Variants in FST observed in about 807,000 individuals in gnomAD.
FST encodes the protein follistatin, also known as activin-binding protein.
A neutral mutation model predicts 38.4 loss-of-function variants in FST; 6 were observed. The ratio of observed to expected loss-of-function variants is 0.16; its 90% CI spans 0.09 to 0.31. The LOEUF is 0.31. FST is among the 10% of genes least tolerant of loss of function. The pLI is 1.00. For synonymous variants in FST, 157 were observed against 169.8 expected (o/e 0.92, Z 0.59); for missense variants, 301 against 432.3 (o/e 0.70, Z 2.69).
At position 53,486,744 on chromosome 5, in the gene FST, A is replaced by G. The variant is rs2112351931; in HGVS notation, c.*711A>G. The G allele has an allele frequency of 6.6e-6, 1 of 152,378 alleles. No individual in the cohort carries two copies. The highest frequency in any genetic ancestry group is 2.4e-5 in the African/African-American group (1 of 41,598). 9.4% of individuals were successfully genotyped at this position (152,378 alleles called of 1,614,324 possible). A position where few individuals can be genotyped will look rare whatever the true frequency, so the allele number is the denominator to read the frequency against. On this transcript the variant is annotated 3_prime_UTR_variant, in exon 6 of 6. Transcript: ENST00000256759. ...GACATTTGTGAGAGAGGAGATGATT[A>G]GAATTCTAGTAATGTACTTTTAAGA...
chr5:53,481,462 CAAAAAA>C (rs70983342), intron 1 of FST, among the ~76,000 whole-genome samples: 23 of 48,076 alleles, frequency 4.8e-4, no homozygotes, highest in East Asian at 1.6e-3. Flanking sequence ...CCCATTCTCG[CAAAAAA>C]AAAAAAAAAA....
rs1747145307 is a variant in FST, at chr5:53,480,736, GC to G, written c.-54del. 1 of 640,114 alleles carries G rather than the reference GC, an allele frequency of 1.6e-6. No homozygotes were observed. The highest frequency in any genetic ancestry group is 5.6e-5 in the South Asian group (1 of 17,728). The allele number at this position is 640,114 out of a possible 1,614,324, so 39.7% of individuals were successfully genotyped here. On this transcript the variant is annotated 5_prime_UTR_variant, in exon 1 of 6. Transcript: ENST00000256759. ...CGCGCGCCGCTCGCCCGAGCCACCCGCCGCCGCGCCGGCTCCCCGCGCCGCT... is the reference window on the plus strand; with the variant it reads ...CGCGCGCCGCTCGCCCGAGCCACCCGCGCCGCGCCGGCTCCCCGCGCCGCT...
chr5:53,486,028 TGG>T lies in FST; in HGVS notation c.1031_1032del (p.Trp344LeufsTer5). The T allele has an allele frequency of 3.5e-6, 5 of 1,446,208 alleles. No homozygotes were observed. Among genetic ancestry groups the T allele is most frequent in the Non-Finnish European group, 4.7e-6 (5 of 1,053,246 alleles). 89.6% of individuals were successfully genotyped at this position (1,446,208 alleles called of 1,614,324 possible). A position where few individuals can be genotyped will look rare whatever the true frequency, so the allele number is the denominator to read the frequency against. ...CTTTCCTATATCTTCTATTCTAGAG[TGG>T]TAAACTCTCTATAAGTGTTCAGTGT... ...YSFPISSILE[W>X] is the part of the protein sequence containing the mutation. On this transcript the variant is annotated frameshift_variant, in exon 6 of 6. Coordinates refer to ENST00000256759, the MANE Select transcript of FST (RefSeq NM_013409.3). LOFTEE classifies it high-confidence loss of function.
At chr5:53,481,468 A>AAAAAAAAAAC (rs1747204912) in intron 1 of FST, among the ~76,000 whole-genome samples, 1 of 147,004 alleles carries the variant, frequency 6.8e-6, no homozygotes, top group Non-Finnish European at 1.5e-5. Context: ...CTCGCAAAAA[A>AAAAAAAAAAC]AAAAAAAAAA....
chr5:53,481,257 ATCTT>A (rs1047727266), intron 1 of FST, among the ~76,000 whole-genome samples: 1 of 150,740 alleles, frequency 6.6e-6, no homozygotes, highest in African/African-American at 2.4e-5. Flanking sequence ...TCCCTCCCAC[ATCTT>A]TTGGATACTT....
intron 4 of FST, 76 bp from the exon 5 acceptor site, chr5:53,484,921 A>G: frequency 1.3e-6 from 1 of 750,928 alleles, no homozygotes. Context: ...ATATTTATTG[A>G]TAGAGGACTA....
At chr5:53,485,334 A>G (rs1199319508) in intron 5 of FST, 107 bp downstream of exon 5, 5 of 670,570 alleles carry the variant, frequency 7.5e-6, no homozygotes, top group Middle Eastern at 3.4e-4. Context: ...ATTTCTGTTC[A>G]AATTAGGTAG....
rs1056958683 is a variant in FST at position 53,486,703 on chromosome 5, C to A, written c.*670C>A. 1 of 152,136 alleles carries A rather than the reference C, an allele frequency of 6.6e-6. No individual in the cohort carries two copies. Among genetic ancestry groups the A allele is most frequent in the Admixed American group, 6.5e-5 (1 of 15,270 alleles). The allele number at this position is 152,136 out of a possible 1,614,324, so 9.4% of individuals were successfully genotyped here. A position where few individuals can be genotyped will look rare whatever the true frequency, so the allele number is the denominator to read the frequency against. On this transcript the variant is annotated 3_prime_UTR_variant, in exon 6 of 6. Coordinates refer to ENST00000256759, the MANE Select transcript of FST (RefSeq NM_013409.3). ...CTTTGAGGAAACTCCTACTTCAGTT[C>A]TTTTGTTATGATGAAGACATTTGTG... is the stretch of plus-strand genomic sequence containing the variant.
chr5:53,484,983 G>A lies in FST; in HGVS notation c.722-14G>A. On this transcript the variant is annotated splice_polypyrimidine_tract_variant and intron_variant, in intron 4 of 5. Transcript: ENST00000256759. ...GGAAATCAGTTTACTCATCACAGAT[G>A]TATTATATCCTAGAAGCAAAGTCCT... 4.7e-6 allele frequency: 6 copies of A among 1,289,874 alleles called. No individual in the cohort carries two copies. The highest frequency in any genetic ancestry group is 6.8e-6 in the Non-Finnish European group (6 of 883,284). 79.9% of individuals were successfully genotyped at this position (1,289,874 alleles called of 1,614,324 possible).
At chr5:53,485,673 T>C in intron 5 of FST, 1 of 1,566,908 alleles carries the variant, frequency 6.4e-7, no homozygotes, top group Non-Finnish European at 8.8e-7. Context: ...AGAGCGCTTT[T>C]TATCTAATTT....
At position 53,483,073 on chromosome 5, in the gene FST, T is replaced by TA; in HGVS notation, c.277+3dup. On this transcript the variant is annotated splice_region_variant and intron_variant, in intron 2 of 5. Transcript: ENST00000256759. The surrounding 1 kb of genome is among the most constrained non-coding windows in gnomAD (Gnocchi z 4.1). ...CCCCCAACTGCATCCCCTGTAAAGG[T>TA]AGGACTCCTTCTTCCCAACTTGCAG... is the stretch of plus-strand genomic sequence containing the variant. 7 of 1,604,950 alleles carry TA rather than the reference T, an allele frequency of 4.4e-6. No individual in the cohort carries two copies. Among genetic ancestry groups the TA allele is most frequent in the Non-Finnish European group, 6.0e-6 (7 of 1,172,980 alleles).
chr5:53,481,272 A>T (rs1034906022), intron 1 of FST, among the ~76,000 whole-genome samples: 1 of 140,670 alleles, frequency 7.1e-6, no homozygotes, highest in African/African-American at 2.6e-5. Context: ...TTGGATACTT[A>T]AAAAAAAAAA....
Position 53,483,610 on chromosome 5 carries a change from G to A in FST, c.384G>A (p.Lys128=), listed in dbSNP as rs776692433. ...CGGATTGTTCCAACATCACCTGGAAGGGTCCAGTCTGCGGGCTGGATGGGA... is the reference window on the plus strand; with the variant it reads ...CGGATTGTTCCAACATCACCTGGAAAGGTCCAGTCTGCGGGCTGGATGGGA... ...CAPDCSNITW[K]GPVCGLDGKT... The change falls in exon 3 of 6, where the codon AAG becomes AAA. Residue 128 remains lysine (K), a synonymous_variant. Coordinates refer to ENST00000256759, the MANE Select transcript of FST (RefSeq NM_013409.3). This position sits in a 1 kb window ranked among gnomAD's most constrained non-coding sequence, Gnocchi z 4.1. The A allele has an allele frequency of 3.0e-5, 48 of 1,613,942 alleles. No individual in the cohort carries two copies. Among genetic ancestry groups the A allele is most frequent in the Admixed American group, 1.5e-4 (9 of 60,008 alleles).
Position 53,482,865 on chromosome 5 carries a change from CT to C in FST, c.86-13del. Reference sequence around the variant, plus strand: ...CTGCTCACTCACCCACCTCCCCACCCTTGTCTCTTCACAGCTGGGAACTGCT... The same window carrying C: ...CTGCTCACTCACCCACCTCCCCACCCTGTCTCTTCACAGCTGGGAACTGCT... On this transcript the variant is annotated splice_polypyrimidine_tract_variant and intron_variant, in intron 1 of 5. Coordinates refer to ENST00000256759, the MANE Select transcript of FST (RefSeq NM_013409.3). The C allele has an allele frequency of 6.4e-7, 1 of 1,563,612 alleles. No individual in the cohort carries two copies. The highest frequency in any genetic ancestry group is 8.7e-7 in the Non-Finnish European group (1 of 1,144,842).
In FST at chr5:53,483,128, C is replaced by G; in HGVS notation, c.277+57C>G. On this transcript the variant is annotated intron_variant, in intron 2 of 5. Transcript: ENST00000256759. This position sits in a 1 kb window ranked among gnomAD's most constrained non-coding sequence, Gnocchi z 4.1. Reference sequence around the variant, plus strand: ...TCAGTAGAGGGCGTCTTACCCTTAGCTTCCCCACTACCTGACTGGGGTTTG... The same window carrying G: ...TCAGTAGAGGGCGTCTTACCCTTAGGTTCCCCACTACCTGACTGGGGTTTG... 8.4e-7 allele frequency: 1 copy of G among 1,189,980 alleles called. No individual in the cohort carries two copies. The highest frequency in any genetic ancestry group is 1.2e-6 in the Non-Finnish European group (1 of 810,848). 73.7% of individuals were successfully genotyped at this position (1,189,980 alleles called of 1,614,324 possible). A position where few individuals can be genotyped will look rare whatever the true frequency, so the allele number is the denominator to read the frequency against.
Position 53,482,995 on chromosome 5 carries a change from G to C in FST, c.201G>C (p.Glu67Asp). The stretch of plus-strand genomic sequence containing the variant: ...GCCGGCTGAGCACCTCGTGGACCGA[G>C]GAGGACGTGAATGACAACACACTCT... ...STGRLSTSWT[E>D]EDVNDNTLFK... The change falls in exon 2 of 6, where the codon GAG (glutamate) becomes GAC (aspartate). Residue 67 changes from glutamate to aspartate, a missense_variant. Coordinates refer to ENST00000256759, the MANE Select transcript of FST (RefSeq NM_013409.3). The C allele has an allele frequency of 1.9e-6, 3 of 1,613,982 alleles. No individual in the cohort carries two copies. Among genetic ancestry groups the C allele is most frequent in the South Asian group, 1.1e-5 (1 of 91,080 alleles).
Position 53,482,880 on chromosome 5 carries a change from C to T in FST, c.86C>T (p.Ala29Val). The T allele has an allele frequency of 6.3e-7, 1 of 1,597,022 alleles. No individual in the cohort carries two copies. The highest frequency in any genetic ancestry group is 1.1e-5 in the South Asian group (1 of 89,274). Residue 29 changes from alanine to valine, a missense_variant and splice_region_variant, in exon 2 of 6, where the codon GCT becomes GTT. Transcript: ENST00000256759. ...CCTCCCCACCCTTGTCTCTTCACAG[C>T]TGGGAACTGCTGGCTCCGTCAAGCG... ...CQFMEDRSAQ[A>V]GNCWLRQAKN...
At chr5:53,482,307 CTT>C (rs1003969940) in intron 1 of FST, among the ~76,000 whole-genome samples, 5 of 147,734 alleles carry the variant, frequency 3.4e-5, no homozygotes, top group Admixed American at 6.8e-5. Context: ...TCTTTCTCTT[CTT>C]TCTTTTCTTT....
Position 53,485,131 on chromosome 5 carries a change from A to G in FST, c.856A>G (p.Ser286Gly). 1 of 1,613,314 alleles carries G rather than the reference A, an allele frequency of 6.2e-7. No homozygotes were observed. Among genetic ancestry groups the G allele is most frequent in the Non-Finnish European group, 8.5e-7 (1 of 1,179,244 alleles). Residue 286 changes from serine to glycine, a missense_variant, in exon 5 of 6, where the codon AGT (serine) becomes GGT (glycine). Physicochemically the swap from Ser to Gly is moderately conservative, Grantham distance 56. Transcript: ENST00000256759. ...DSKSDEPVCA[S>G]DNATYASECA... Reference sequence around the variant, plus strand: ...TAAGTCGGATGAGCCTGTCTGTGCCAGTGACAATGCCACTTATGCCAGCGA... The same window carrying G: ...TAAGTCGGATGAGCCTGTCTGTGCCGGTGACAATGCCACTTATGCCAGCGA...
Sources: gnomAD v4.1 joint callset for allele counts (sites outside exome capture counted in the v4.1 genomes callset) on GRCh38, gnomAD v4.1.1 for gene constraint, Gnocchi (gnomAD v3.1) non-coding constraint, MANE v1.5 for transcripts, NCBI Gene and HGNC (gene_info 2026-07-23, HGNC 2026-07-21) for gene names.